SLC24A2: variants seen among roughly 807,000 people sequenced by gnomAD.
SLC24A2 encodes the protein solute carrier family 24 member 2, also known as sodium/potassium/calcium exchanger 2.
In SLC24A2, 36 loss-of-function variants were observed where a neutral mutation model predicts 62.0. The observed-to-expected ratio is 0.58, with a 90% confidence interval of 0.44 to 0.77. The LOEUF (loss-of-function observed/expected upper bound fraction) is 0.77, where lower values mean the gene tolerates loss of function less well. Among genes scored for constraint, SLC24A2 ranks in the 30% least tolerant of loss-of-function variants. SLC24A2 has a pLI of 0.00. For synonymous variants in SLC24A2, 358 were observed against 294.0 expected (o/e 1.22, Z -2.23); for missense variants, 846 against 817.9 (o/e 1.03, Z -0.42).
chr9:19,926,664 A>G, the SLC24A2 span: 2 of 152,250 alleles, frequency 1.3e-5, no homozygotes, highest in Non-Finnish European at 2.9e-5. Flanking sequence ...TGGGAGAGAA[A>G]AAGAAGATTC....
At chr9:20,039,363 T>C in the SLC24A2 span, among the ~76,000 whole-genome samples, 3 of 151,954 alleles carry the variant, frequency 2.0e-5, no homozygotes, top group Admixed American at 6.6e-5. Flanking sequence ...CCAACTGGGA[T>C]GCGGCAGCTG....
chr9:19,618,335 G>C (rs566900384), intron 4 of SLC24A2, among the ~76,000 whole-genome samples: 3 of 150,864 alleles, frequency 2.0e-5, no homozygotes, highest in South Asian at 2.1e-4. Context: ...CGTGTAGATA[G>C]AGTAATGATA....
At chr9:20,160,683 C>T in the SLC24A2 span, among the ~76,000 whole-genome samples, 1 of 150,900 alleles carries the variant, frequency 6.6e-6, no homozygotes, top group Admixed American at 6.6e-5. Flanking sequence ...AAGGAAAAAT[C>T]AGAAATTACA....
At chr9:20,302,407 G>A in the SLC24A2 span, among the ~76,000 whole-genome samples, 1 of 152,190 alleles carries the variant, frequency 6.6e-6, no homozygotes, top group Non-Finnish European at 1.5e-5. Context: ...TGTTGTCAGT[G>A]TTCTGGGCTT....
chr9:19,664,998 G>A (rs944743877), intron 2 of SLC24A2, among the ~76,000 whole-genome samples: 2 of 152,122 alleles, frequency 1.3e-5, no homozygotes, highest in African/African-American at 4.8e-5. Flanking sequence ...AAACAAATAC[G>A]CCTTGTAACA....
chr9:19,890,288 G>C, the SLC24A2 span, among the ~76,000 whole-genome samples: 343 of 152,274 alleles, frequency 2.3e-3, 2 homozygotes, highest in African/African-American at 7.9e-3. Context: ...TTAGAAACAA[G>C]TCAATAGATG....
chr9:19,823,099 T>G, the SLC24A2 span, among the ~76,000 whole-genome samples: 1 of 152,202 alleles, frequency 6.6e-6, no homozygotes, highest in African/African-American at 2.4e-5. Flanking sequence ...AGACCAGATC[T>G]GCCATACCAC....
At chr9:20,251,305 T>C in the SLC24A2 span, among the ~76,000 whole-genome samples, 2 of 150,676 alleles carry the variant, frequency 1.3e-5, no homozygotes, top group African/African-American at 4.9e-5. Flanking sequence ...CTTCTTAGTA[T>C]CCTTTATAGA....
Position 19,786,647 on chromosome 9 carries a change from T to A in SLC24A2, c.220A>T (p.Ser74Cys), listed in dbSNP as rs752442899. 1 of 1,614,136 alleles carries A rather than the reference T, an allele frequency of 6.2e-7. No individual in the cohort carries two copies. Among genetic ancestry groups the A allele is most frequent in the South Asian group, 1.1e-5 (1 of 91,072 alleles). ...TAACCCTGTGCTACCCTAGGGCCACTTACAACACTGGCCTCTCCTGTGCTC... is the reference window on the plus strand; with the variant it reads ...TAACCCTGTGCTACCCTAGGGCCACATACAACACTGGCCTCTCCTGTGCTC... ...TQSTGEASVV[S>C]GPRVAQGYHQ... is the part of the protein sequence containing the mutation. Residue 74 changes from serine to cysteine, a missense_variant, in exon 2 of 11, where the codon AGT (serine) becomes TGT (cysteine). Physicochemically the swap from Ser to Cys is moderately radical, Grantham distance 112. Transcript: ENST00000341998. This position sits in a 1 kb window ranked among gnomAD's most constrained non-coding sequence, Gnocchi z 5.0.
the SLC24A2 span, among the ~76,000 whole-genome samples, chr9:19,964,156 G>A: frequency 1.4e-5 from 2 of 141,874 alleles, no homozygotes; most frequent in East Asian, 2.1e-4. Flanking sequence ...ATTCATAGAT[G>A]AGAATTGAAC....
the SLC24A2 span, among the ~76,000 whole-genome samples, chr9:19,930,626 A>G: frequency 6.6e-6 from 1 of 152,186 alleles, no homozygotes; most frequent in Non-Finnish European, 1.5e-5. Flanking sequence ...AATTTGTGGG[A>G]AGCAATGGAT....
At chr9:20,166,034 A>G in the SLC24A2 span, among the ~76,000 whole-genome samples, 1 of 151,954 alleles carries the variant, frequency 6.6e-6, no homozygotes, top group Non-Finnish European at 1.5e-5. Context: ...TTAAACATAT[A>G]AAAAAATTAA....
At chr9:19,837,189 A>T in the SLC24A2 span, among the ~76,000 whole-genome samples, 1 of 151,958 alleles carries the variant, frequency 6.6e-6, no homozygotes, top group Admixed American at 6.6e-5. Flanking sequence ...GCGGTGGCTC[A>T]CGCCTGTAAT....
At chr9:20,160,727 C>T in the SLC24A2 span, among the ~76,000 whole-genome samples, 1 of 150,906 alleles carries the variant, frequency 6.6e-6, no homozygotes, top group East Asian at 1.9e-4. Flanking sequence ...TAAAAACCTA[C>T]GTATTAGAAT....
At chr9:19,870,336 GCATGTAAC>G in the SLC24A2 span, among the ~76,000 whole-genome samples, 5 of 152,086 alleles carry the variant, frequency 3.3e-5, no homozygotes, top group African/African-American at 1.2e-4. Context: ...CCATGTTATA[GCATGTAAC>G]CACAGTATTC....
chr9:19,579,428 G>C (rs1183155682), intron 5 of SLC24A2, among the ~76,000 whole-genome samples: 1 of 152,084 alleles, frequency 6.6e-6, no homozygotes, highest in Non-Finnish European at 1.5e-5. Flanking sequence ...TTTTGCAGAA[G>C]GCAATTCCAA....
At chr9:19,900,461 T>C in the SLC24A2 span, among the ~76,000 whole-genome samples, 1 of 152,170 alleles carries the variant, frequency 6.6e-6, no homozygotes, top group South Asian at 2.1e-4. Flanking sequence ...TGGACTCCAT[T>C]ATCTTGGGGA....
the SLC24A2 span, among the ~76,000 whole-genome samples, chr9:20,066,424 G>A: frequency 6.6e-6 from 1 of 152,100 alleles, no homozygotes; most frequent in Non-Finnish European, 1.5e-5. Flanking sequence ...AGAAAGGGGG[G>A]AAACGGGAAA....
chr9:19,735,583 G>A (rs538718981), intron 2 of SLC24A2, among the ~76,000 whole-genome samples: 9 of 152,204 alleles, frequency 5.9e-5, no homozygotes, highest in African/African-American at 1.4e-4. Context: ...CACTATTCAC[G>A]ACAGCAAAGA....
Sources: allele counts gnomAD v4.1 joint callset (sites outside exome capture counted in the v4.1 genomes callset), GRCh38; gene constraint gnomAD v4.1.1; non-coding constraint Gnocchi (gnomAD v3.1); transcripts MANE v1.5; gene names NCBI Gene and HGNC (gene_info 2026-07-23, HGNC 2026-07-21).